MARCHF1: variants seen among roughly 807,000 people sequenced by gnomAD.
The protein encoded by MARCHF1 is membrane associated ring-CH-type finger 1.
A neutral mutation model predicts 54.2 loss-of-function variants in MARCHF1; 40 were observed. That is an observed-to-expected ratio of 0.74 (90% CI 0.57 to 0.96). The LOEUF (loss-of-function observed/expected upper bound fraction) is 0.96. MARCHF1 is among the 40% of genes least tolerant of loss of function. The probability of loss-of-function intolerance (pLI) is 0.00; values close to 1 mark genes in which losing one functional copy is unlikely to be tolerated. For missense variants in MARCHF1, 586 were observed against 656.5 expected (o/e 0.89, Z 1.17); for synonymous variants, 236 against 236.3 (o/e 1.00, Z 0.01).
chr4:163,916,256 G>A (rs990451558), intron 3 of MARCHF1, among the ~76,000 whole-genome samples: 1 of 152,310 alleles, frequency 6.6e-6, no homozygotes, highest in African/African-American at 2.4e-5. Flanking sequence ...TTTCGAAAGA[G>A]GGATCTCCAC....
At chr4:163,965,219 G>A (rs1752419126) in intron 3 of MARCHF1, among the ~76,000 whole-genome samples, 1 of 151,974 alleles carries the variant, frequency 6.6e-6, no homozygotes, top group Non-Finnish European at 1.5e-5. Context: ...ATTGGAAAGA[G>A]TTTCAAAATA....
At chr4:164,188,257 A>AGACC (rs1479974041) in intron 1 of MARCHF1, 71 of 286,478 alleles carry the variant, frequency 2.5e-4, no homozygotes, top group Non-Finnish European at 2.9e-4. Flanking sequence ...CAGCACAGAC[A>AGACC]GACCGACCGA....
chr4:164,056,934 T>C (rs1754503784), intron 2 of MARCHF1, among the ~76,000 whole-genome samples: 1 of 151,986 alleles, frequency 6.6e-6, no homozygotes, highest in Non-Finnish European at 1.5e-5. Flanking sequence ...CTGAAGCCAC[T>C]CTTCTTCCAG....
intron 1 of MARCHF1, chr4:164,197,216 C>T (rs1290581973): frequency 6.2e-6 from 10 of 1,610,210 alleles, no homozygotes; most frequent in Non-Finnish European, 6.8e-6. Flanking sequence ...CCCTCCTCCT[C>T]GTCATCCAGG....
intron 5 of MARCHF1, among the ~76,000 whole-genome samples, chr4:163,655,578 C>A (rs1326849463): frequency 2.0e-5 from 3 of 151,818 alleles, no homozygotes; most frequent in African/African-American, 7.2e-5. Context: ...CTACAGGACT[C>A]TCTACCCAAA....
intron 1 of MARCHF1, among the ~76,000 whole-genome samples, chr4:164,246,938 A>G (rs1732965652): frequency 1.1e-5 from 1 of 91,464 alleles, no homozygotes; most frequent in African/African-American, 3.9e-5. Flanking sequence ...AATGGCAATC[A>G]TTAAAAAGTC....
chr4:163,587,674 T>C (rs2110832532), intron 7 of MARCHF1, among the ~76,000 whole-genome samples: 1 of 152,280 alleles, frequency 6.6e-6, no homozygotes, highest in South Asian at 2.1e-4. Context: ...CTTTGTTCAC[T>C]ACTTAGGTGA....
chr4:164,216,863 G>C (rs1040363383), intron 1 of MARCHF1, among the ~76,000 whole-genome samples: 2 of 152,040 alleles, frequency 1.3e-5, no homozygotes, highest in Non-Finnish European at 2.9e-5. Context: ...TGTCTGCAAA[G>C]GTCAATATGT....
At chr4:164,344,159 T>A (rs1730007087) in intron 1 of MARCHF1, among the ~76,000 whole-genome samples, 1 of 152,172 alleles carries the variant, frequency 6.6e-6, no homozygotes, top group South Asian at 2.1e-4. Context: ...CACTTATAAG[T>A]GGGAGCTAAG....
intron 2 of MARCHF1, among the ~76,000 whole-genome samples, chr4:164,035,463 C>G (rs1428291723): frequency 6.7e-6 from 1 of 150,220 alleles, no homozygotes; most frequent in African/African-American, 2.4e-5. Flanking sequence ...ACTATCTCAG[C>G]TTTTAGAAAA....
At chr4:163,993,749 T>G (rs1214891463) in intron 2 of MARCHF1, among the ~76,000 whole-genome samples, 1 of 152,172 alleles carries the variant, frequency 6.6e-6, no homozygotes, top group Admixed American at 6.6e-5. Context: ...CTTTCTAATT[T>G]GTTGAGAGAC....
intron 4 of MARCHF1, among the ~76,000 whole-genome samples, chr4:163,722,343 A>C (rs1745500420): frequency 6.6e-6 from 1 of 152,054 alleles, no homozygotes; most frequent in Non-Finnish European, 1.5e-5. Flanking sequence ...AGCGGTTTTG[A>C]GTGAGTTTCT....
chr4:163,942,235 G>A (rs1028991227), intron 3 of MARCHF1, among the ~76,000 whole-genome samples: 1 of 152,108 alleles, frequency 6.6e-6, no homozygotes, highest in Non-Finnish European at 1.5e-5. Flanking sequence ...GTCCAATTTG[G>A]AAGTTATTCT....
intron 5 of MARCHF1, among the ~76,000 whole-genome samples, chr4:163,614,589 A>G (rs1741453072): frequency 1.3e-5 from 2 of 152,132 alleles, no homozygotes; most frequent in South Asian, 4.1e-4. Context: ...ATGATTCTGA[A>G]ATCCAGAGAA....
intron 2 of MARCHF1, among the ~76,000 whole-genome samples, chr4:164,106,589 G>T (rs2111171146): frequency 6.9e-6 from 1 of 145,828 alleles, no homozygotes; most frequent in South Asian, 2.2e-4. Flanking sequence ...ACACAGGAAG[G>T]GGAATATCAC....
chr4:164,356,864 G>A (rs540319914), intron 1 of MARCHF1, among the ~76,000 whole-genome samples: 1 of 150,168 alleles, frequency 6.7e-6, no homozygotes, highest in Middle Eastern at 3.5e-3. Flanking sequence ...AATATTAGTG[G>A]TTTATCATGC....
intron 2 of MARCHF1, among the ~76,000 whole-genome samples, chr4:164,029,934 A>G (rs899565549): frequency 1.3e-5 from 2 of 152,212 alleles, no homozygotes; most frequent in African/African-American, 4.8e-5. Context: ...CTATGAAGAA[A>G]TTTGTAAATG....
intron 2 of MARCHF1, among the ~76,000 whole-genome samples, chr4:164,089,752 T>A (rs1755262258): frequency 6.6e-6 from 1 of 151,972 alleles, no homozygotes; most frequent in South Asian, 2.1e-4. Flanking sequence ...GTGAAAGGGC[T>A]CATCCTCAGA....
intron 2 of MARCHF1, among the ~76,000 whole-genome samples, chr4:164,037,647 G>A (rs1157889595): frequency 6.6e-6 from 1 of 152,184 alleles, no homozygotes; most frequent in Non-Finnish European, 1.5e-5. Flanking sequence ...CTCTTTAAGT[G>A]TGGGCTGTGC....
Sources: allele counts gnomAD v4.1 joint callset (sites outside exome capture counted in the v4.1 genomes callset), GRCh38; gene constraint gnomAD v4.1.1; transcripts MANE v1.5; gene names NCBI Gene and HGNC (gene_info 2026-07-23, HGNC 2026-07-21).